Variants in ASXL2 observed in about 807,000 individuals in gnomAD.
ASXL2 encodes the protein putative Polycomb group protein ASXL2.
Under a neutral mutation model 122.0 loss-of-function variants are expected in ASXL2, and 23 were observed. The ratio of observed to expected loss-of-function variants is 0.19; its 90% confidence interval spans 0.14 to 0.27. The LOEUF is 0.27. Ranked by LOEUF, ASXL2 falls within the 10% of genes least tolerant of loss-of-function variation. The pLI, the probability that ASXL2 is intolerant of heterozygous loss-of-function variation, is 1.00. For missense variants in ASXL2, 1,518 were observed against 1,713.8 expected (o/e 0.89, Z 2.02); for synonymous variants, 650 against 637.0 (o/e 1.02, Z -0.31).
intron 1 of ASXL2, among the ~76,000 whole-genome samples, chr2:25,860,348 A>G (rs1188451643): frequency 6.6e-6 from 1 of 151,924 alleles, no homozygotes; most frequent in Non-Finnish European, 1.5e-5. Context: ...AAATATATAT[A>G]TAACATCAAA....
At chr2:25,843,507 A>G (rs138564415) in intron 2 of ASXL2, among the ~76,000 whole-genome samples, 4 of 152,298 alleles carry the variant, frequency 2.6e-5, no homozygotes, top group African/African-American at 9.6e-5. Context: ...TGTTATATAA[A>G]GTAAGGTAAA....
At chr2:25,749,557 C>T (rs183318676) in intron 12 of ASXL2, 139 bp downstream of exon 12, 22 of 658,156 alleles carry the variant, frequency 3.3e-5, no homozygotes, top group Middle Eastern at 8.4e-4. Context: ...TTGTGTAAGA[C>T]CATAGTTACA....
intron 3 of ASXL2, among the ~76,000 whole-genome samples, chr2:25,829,098 A>G (rs539668615): frequency 6.6e-6 from 1 of 152,258 alleles, no homozygotes; most frequent in South Asian, 2.1e-4. Context: ...CTTATGAGGA[A>G]TAGGAAATAA....
chr2:25,767,787 A>C (rs1031132430), intron 7 of ASXL2, 61 bp from the exon 8 acceptor site: 5 of 1,568,660 alleles, frequency 3.2e-6, no homozygotes, highest in Non-Finnish European at 1.7e-6. Flanking sequence ...GAATCAATTA[A>C]TCAATCATTC....
chr2:25,838,514 A>G (rs2089539328), intron 2 of ASXL2, among the ~76,000 whole-genome samples: 1 of 152,200 alleles, frequency 6.6e-6, no homozygotes, highest in Non-Finnish European at 1.5e-5. Flanking sequence ...AAATCCCAGA[A>G]ACAGTTCCAT....
At chr2:25,773,675 A>C (rs1185217679) in intron 5 of ASXL2, among the ~76,000 whole-genome samples, 1 of 151,590 alleles carries the variant, frequency 6.6e-6, no homozygotes, top group East Asian at 1.9e-4. Context: ...CAAAAAAAAA[A>C]AAACAAAAAT....
At chr2:25,755,918 C>G (rs2088122251) in intron 10 of ASXL2, 100 bp downstream of exon 10, 4 of 981,810 alleles carry the variant, frequency 4.1e-6, no homozygotes, top group South Asian at 2.6e-5. Context: ...ATGGAAACAT[C>G]CTGTCCTTTA....
intron 2 of ASXL2, among the ~76,000 whole-genome samples, chr2:25,841,344 A>G (rs1247995381): frequency 6.6e-6 from 1 of 152,150 alleles, no homozygotes; most frequent in Admixed American, 6.5e-5. Context: ...AGAATAATCT[A>G]TAATTATATA....
At chr2:25,768,666 T>C in intron 7 of ASXL2, 76 bp downstream of exon 7, 2 of 1,502,244 alleles carry the variant, frequency 1.3e-6, no homozygotes, top group Non-Finnish European at 9.1e-7. Context: ...AATGATGTCA[T>C]AAACAAATCA....
At chr2:25,787,595 T>C (rs1490722025) in intron 5 of ASXL2, among the ~76,000 whole-genome samples, 1 of 152,164 alleles carries the variant, frequency 6.6e-6, no homozygotes, top group Non-Finnish European at 1.5e-5. Context: ...TTATAAAAAC[T>C]GTATTTCTAT....
chr2:25,771,299 A>G (rs2088448218), intron 6 of ASXL2, 141 bp downstream of exon 6: 1 of 638,938 alleles, frequency 1.6e-6, no homozygotes, highest in Admixed American at 3.4e-5. Flanking sequence ...AATTACTAAA[A>G]CCACATTGGG....
intron 1 of ASXL2, among the ~76,000 whole-genome samples, chr2:25,849,572 T>G (rs1286335713): frequency 6.6e-6 from 1 of 151,702 alleles, no homozygotes; most frequent in East Asian, 1.9e-4. Flanking sequence ...CCTCCCAGGC[T>G]CAAGCTATCC....
intron 3 of ASXL2, among the ~76,000 whole-genome samples, chr2:25,831,379 G>C (rs2089449562): frequency 6.6e-6 from 1 of 151,816 alleles, no homozygotes; most frequent in South Asian, 2.1e-4. Context: ...AATAAACACA[G>C]GCCAGGCACA....
chr2:25,786,688 T>C (rs1244093805), intron 5 of ASXL2, among the ~76,000 whole-genome samples: 6 of 152,010 alleles, frequency 3.9e-5, no homozygotes, highest in Admixed American at 2.0e-4. Flanking sequence ...ACCCTATCTC[T>C]ACTAAAAATA....
intron 8 of ASXL2, among the ~76,000 whole-genome samples, chr2:25,763,653 A>G (rs1252142449): frequency 2.0e-5 from 3 of 152,252 alleles, no homozygotes; most frequent in Non-Finnish European, 4.4e-5. Context: ...CAACAGCAGC[A>G]GCAGCAACTT....
intron 6 of ASXL2, 98 bp downstream of exon 6, chr2:25,771,342 A>G (rs1418707503): frequency 9.5e-7 from 1 of 1,049,066 alleles, no homozygotes; most frequent in African/African-American, 1.6e-5. Flanking sequence ...GCAAGGGCCC[A>G]ATGTAAAAAA....
At chr2:25,814,759 G>C (rs1388319818) in intron 3 of ASXL2, among the ~76,000 whole-genome samples, 1 of 152,210 alleles carries the variant, frequency 6.6e-6, no homozygotes, top group African/African-American at 2.4e-5. Flanking sequence ...GTAGGGCTAA[G>C]AGAGCAGAAG....
At chr2:25,851,883 T>A (rs1432276949) in intron 1 of ASXL2, among the ~76,000 whole-genome samples, 1 of 151,894 alleles carries the variant, frequency 6.6e-6, no homozygotes, top group Non-Finnish European at 1.5e-5. Flanking sequence ...ACAATGAGAC[T>A]CTGCCTCCCC....
At chr2:25,790,421 TAAAAAAAAACA>T (rs1219337930) in intron 5 of ASXL2, among the ~76,000 whole-genome samples, 3 of 149,972 alleles carry the variant, frequency 2.0e-5, no homozygotes, top group East Asian at 1.9e-4. Context: ...AGACCTTGGT[TAAAAAAAAACA>T]TAAAAAAAGG....
Sources: allele counts gnomAD v4.1 joint callset (sites outside exome capture counted in the v4.1 genomes callset), GRCh38; gene constraint gnomAD v4.1.1; transcripts MANE v1.5; gene names NCBI Gene and HGNC (gene_info 2026-07-23, HGNC 2026-07-21).